GPATCH8: variants seen among roughly 807,000 people sequenced by gnomAD.
GPATCH8 encodes the protein G-patch domain containing 8, also known as G patch domain-containing protein 8.
A neutral mutation model predicts 118.3 loss-of-function variants in GPATCH8; 18 were observed. The observed-to-expected ratio is 0.15, with a 90% CI of 0.11 to 0.23. GPATCH8 has a LOEUF of 0.23. Among genes scored for constraint, GPATCH8 ranks in the 10% least tolerant of loss-of-function variants. The pLI, the probability that GPATCH8 is intolerant of heterozygous loss-of-function variation, is 1.00. For missense variants in GPATCH8, 1,631 were observed against 1,873.8 expected (o/e 0.87, Z 2.39); for synonymous variants, 659 against 684.7 (o/e 0.96, Z 0.59).
chr17:44,452,265 T>A (rs1453255140), intron 3 of GPATCH8, among the ~76,000 whole-genome samples: 8 of 99,704 alleles, frequency 8.0e-5, no homozygotes, highest in African/African-American at 3.4e-4. Context: ...AGAGCAACAC[T>A]CCGTCTCAAA....
chr17:44,439,844 C>T (rs1002625666), intron 3 of GPATCH8, among the ~76,000 whole-genome samples: 8 of 149,502 alleles, frequency 5.4e-5, no homozygotes, highest in African/African-American at 2.0e-4. Flanking sequence ...AGTGCAATGG[C>T]GCAATCTCAG....
chr17:44,425,091 A>C (rs2050043855), intron 5 of GPATCH8, among the ~76,000 whole-genome samples: 1 of 152,216 alleles, frequency 6.6e-6, no homozygotes, highest in Non-Finnish European at 1.5e-5. Flanking sequence ...GTTTCACTTA[A>C]AAACTAGACA....
chr17:44,455,224 G>A (rs1045591890), intron 3 of GPATCH8, among the ~76,000 whole-genome samples: 2 of 152,108 alleles, frequency 1.3e-5, no homozygotes, highest in Admixed American at 6.6e-5. Context: ...ATGAGTGGCC[G>A]GGCATGGTGG....
At position 44,400,555 on chromosome 17, in the gene GPATCH8, A is replaced by G; in HGVS notation, c.1522T>C (p.Cys508Arg). ...HSQKVSETQMCESNSSKETSL... is the reference protein window; with the variant it reads ...HSQKVSETQMRESNSSKETSL... ...GTTTCTTTAGAAGAGTTGGACTCAC[A>G]CATTTGGGTCTCTGAAACCTTCTGA... is the stretch of plus-strand genomic sequence containing the variant. The change falls in exon 8 of 8, where the codon TGT becomes CGT. Residue 508 changes from cysteine to arginine, a missense_variant. Cys to Arg is a radical substitution (Grantham distance 180). This residue lies in a region of GPATCH8 where 405 missense variants were observed against 462.7 expected (regional missense o/e 0.88). Transcript: ENST00000591680. 2 of 1,614,076 alleles carry G rather than the reference A, an allele frequency of 1.2e-6. No homozygotes were observed.
At chr17:44,483,928 A>G (rs1968565460) in intron 1 of GPATCH8, among the ~76,000 whole-genome samples, 1 of 151,654 alleles carries the variant, frequency 6.6e-6, no homozygotes, top group African/African-American at 2.4e-5. Context: ...TGCAACCTCC[A>G]CCTCCCAGGT....
chr17:44,405,105 C>G (rs1231048850), intron 7 of GPATCH8, among the ~76,000 whole-genome samples: 1 of 152,058 alleles, frequency 6.6e-6, no homozygotes, highest in Non-Finnish European at 1.5e-5. Context: ...GGTAATTACC[C>G]TGATCTGATC....
At chr17:44,472,062 C>T (rs914240913) in intron 2 of GPATCH8, among the ~76,000 whole-genome samples, 2 of 151,476 alleles carry the variant, frequency 1.3e-5, no homozygotes, top group African/African-American at 4.9e-5. Flanking sequence ...CAATGTAGGC[C>T]ATGAAGTTCT....
At chr17:44,478,895 C>T (rs984566737) in intron 1 of GPATCH8, among the ~76,000 whole-genome samples, 2 of 151,510 alleles carry the variant, frequency 1.3e-5, no homozygotes, top group African/African-American at 4.9e-5. Context: ...TACACCATGA[C>T]GCCCGGCTGT....
At chr17:44,435,279 G>A in intron 4 of GPATCH8, 128 bp from the exon 5 acceptor site, 1 of 674,904 alleles carries the variant, frequency 1.5e-6, no homozygotes. Flanking sequence ...CTTAGCTACT[G>A]CTTGCTTTAT....
chr17:44,481,986 G>A (rs1598609914), intron 1 of GPATCH8, among the ~76,000 whole-genome samples: 1 of 152,066 alleles, frequency 6.6e-6, no homozygotes, highest in East Asian at 1.9e-4. Flanking sequence ...GCCGGGTGTG[G>A]TAGTACACGC....
Position 44,399,543 on chromosome 17 carries a change from G to A in GPATCH8, c.2534C>T (p.Ser845Leu). 1.2e-6 allele frequency: 2 copies of A among 1,614,166 alleles called. No homozygotes were observed. Among genetic ancestry groups the A allele is most frequent in the Non-Finnish European group, 1.7e-6 (2 of 1,180,020 alleles). The change falls in exon 8 of 8, where the codon TCA (serine) becomes TTA (leucine). Residue 845 changes from serine to leucine, a missense_variant. By Grantham distance (145) the Ser-to-Leu change is moderately radical (BLOSUM62 -2). This residue lies in a region of GPATCH8 where 922 missense variants were observed against 879.7 expected (regional missense o/e 1.05). Coordinates refer to ENST00000591680, the MANE Select transcript of GPATCH8 (RefSeq NM_001002909.4). ...QYSEEEEEED[S>L]GSEHSRSRSR... Reference sequence around the variant, plus strand: ...GCGGCTGCGGGAATGCTCACTGCCTGAATCTTCCTCTTCTTCTTCCTCACT... The same window carrying A: ...GCGGCTGCGGGAATGCTCACTGCCTAAATCTTCCTCTTCTTCTTCCTCACT...
chr17:44,447,811 G>C (rs1268894698), intron 3 of GPATCH8, among the ~76,000 whole-genome samples: 1 of 151,954 alleles, frequency 6.6e-6, no homozygotes, highest in East Asian at 1.9e-4. Flanking sequence ...CCCCTTTTTA[G>C]GACTGGCATA....
intron 1 of GPATCH8, among the ~76,000 whole-genome samples, chr17:44,476,480 C>CA (rs1225740027): frequency 6.6e-6 from 1 of 152,222 alleles, no homozygotes; most frequent in African/African-American, 2.4e-5. Flanking sequence ...GCTGGGATTA[C>CA]AGGCGTGAGC....
At chr17:44,447,226 C>T (rs1346167066) in intron 3 of GPATCH8, among the ~76,000 whole-genome samples, 1 of 151,874 alleles carries the variant, frequency 6.6e-6, no homozygotes, top group Non-Finnish European at 1.5e-5. Context: ...ACACTCTTGG[C>T]TCACTGCAAC....
At chr17:44,426,603 C>CAA (rs754510329) in intron 5 of GPATCH8, among the ~76,000 whole-genome samples, 4,575 of 81,948 alleles carry the variant, frequency 0.056, 259 homozygotes, top group African/African-American at 0.12. Flanking sequence ...GACCTTGTCT[C>CAA]AAAAAAAAAA....
At chr17:44,485,954 G>A (rs1568060597) in intron 1 of GPATCH8, among the ~76,000 whole-genome samples, 1 of 152,150 alleles carries the variant, frequency 6.6e-6, no homozygotes, top group Non-Finnish European at 1.5e-5. Flanking sequence ...CGGGGCAGTG[G>A]TGCAATCACA....
chr17:44,403,853 C>A (rs1222500791), intron 7 of GPATCH8, among the ~76,000 whole-genome samples: 1 of 152,018 alleles, frequency 6.6e-6, no homozygotes, highest in Non-Finnish European at 1.5e-5. Flanking sequence ...GCCACCATGC[C>A]CGGCTAATTT....
At chr17:44,412,077 C>T (rs1334357243) in intron 6 of GPATCH8, among the ~76,000 whole-genome samples, 1 of 152,164 alleles carries the variant, frequency 6.6e-6, no homozygotes, top group African/African-American at 2.4e-5. Context: ...CATGCGCCAC[C>T]ACGCCTGGCT....
chr17:44,442,470 C>T (rs938349510), intron 3 of GPATCH8, among the ~76,000 whole-genome samples: 1 of 152,048 alleles, frequency 6.6e-6, no homozygotes, highest in African/African-American at 2.4e-5. Flanking sequence ...GTCACAAAAT[C>T]CATGTTTTTT....
Sources: gnomAD v4.1 joint callset for allele counts (sites outside exome capture counted in the v4.1 genomes callset) on GRCh38, gnomAD v4.1.1 for gene constraint, gnomAD v4.1.1 regional missense constraint, MANE v1.5 for transcripts, NCBI Gene and HGNC (gene_info 2026-07-23, HGNC 2026-07-21) for gene names.